The following FANCB variants were observed in gnomAD, a reference collection of about 807,000 sequenced individuals.
FANCB encodes Fanconi anemia group B protein.
In FANCB, 5 loss-of-function variants were observed where a neutral mutation model predicts 38.9. The ratio of observed to expected loss-of-function variants is 0.13; its 90% CI spans 0.07 to 0.27. The LOEUF (loss-of-function observed/expected upper bound fraction) is 0.27, where lower values mean the gene tolerates loss of function less well. FANCB is among the 10% of genes least tolerant of loss of function. The probability of loss-of-function intolerance (pLI) is 1.00; values close to 1 mark genes in which losing one functional copy is unlikely to be tolerated. For missense variants in FANCB, 573 were observed against 602.7 expected, an observed-to-expected ratio of 0.95 and a Z score of 0.52; for synonymous variants, 236 against 215.4, an observed-to-expected ratio of 1.10 and a Z score of -0.84.
intron 3 of FANCB, among the ~76,000 whole-genome samples, chrX:14,860,766 T>G (rs1161876560): frequency 8.9e-6 from 1 of 112,269 alleles, no homozygotes; most frequent in Non-Finnish European, 1.9e-5. Flanking sequence ...AATAACTACA[T>G]CTGGATAGTA....
the FANCB span, among the ~76,000 whole-genome samples, chrX:14,830,876 C>A: frequency 3.9e-4 from 44 of 112,418 alleles, no homozygotes; most frequent in African/African-American, 1.4e-3. Flanking sequence ...TCCATGAAAC[C>A]AAATGTATTC....
the FANCB span, among the ~76,000 whole-genome samples, chrX:14,708,782 C>T: frequency 9.0e-6 from 1 of 111,173 alleles, no homozygotes; most frequent in Middle Eastern, 4.7e-3. Flanking sequence ...ACTAAAAATA[C>T]AAAATTAGCC....
At chrX:14,860,718 A>G (rs2092443175) in intron 3 of FANCB, among the ~76,000 whole-genome samples, 1 of 112,215 alleles carries the variant, frequency 8.9e-6, no homozygotes, top group Non-Finnish European at 1.9e-5. Flanking sequence ...GACATTTACA[A>G]CATGTTTTAA....
chrX:14,722,382 G>A, the FANCB span, among the ~76,000 whole-genome samples: 1 of 111,154 alleles, frequency 9.0e-6, no homozygotes, highest in Non-Finnish European at 1.9e-5. Context: ...CAGTCAGACA[G>A]TTGACATGGT....
chrX:14,824,460 C>T, the FANCB span, among the ~76,000 whole-genome samples: 9,359 of 111,683 alleles, frequency 0.084, 868 homozygotes, highest in African/African-American at 0.27. Context: ...ATTCCACAAC[C>T]TATTTATTCT....
At chrX:14,870,235 A>G (rs2092489049) in intron 1 of FANCB, among the ~76,000 whole-genome samples, 1 of 111,957 alleles carries the variant, frequency 8.9e-6, no homozygotes, top group Admixed American at 9.5e-5. Context: ...GGCATTTAAA[A>G]AAAATAGAAA....
intron 5 of FANCB, among the ~76,000 whole-genome samples, chrX:14,854,975 T>C (rs2092417601): frequency 8.9e-6 from 1 of 112,198 alleles, no homozygotes. Context: ...TCACTCTGCA[T>C]GTATCAGGCT....
At chrX:14,758,607 A>G in the FANCB span, among the ~76,000 whole-genome samples, 5 of 111,712 alleles carry the variant, frequency 4.5e-5, no homozygotes, top group Non-Finnish European at 9.4e-5. Context: ...GGGCAGCTAG[A>G]TCCAAAAGAG....
At chrX:14,765,064 T>C in the FANCB span, among the ~76,000 whole-genome samples, 42 of 112,284 alleles carry the variant, frequency 3.7e-4, no homozygotes, top group Non-Finnish European at 7.5e-4. Context: ...GACATACTTA[T>C]ATTACAAAAT....
chrX:14,843,153 A>T (rs1044035081), downstream of FANCB, among the ~76,000 whole-genome samples: 1 of 111,869 alleles, frequency 8.9e-6, no homozygotes. Context: ...TCACTTAAGT[A>T]ACTCTAAGAC....
At chrX:14,852,255 G>A (rs1262382669) in intron 6 of FANCB, among the ~76,000 whole-genome samples, 10 of 106,096 alleles carry the variant, frequency 9.4e-5, no homozygotes, top group African/African-American at 2.8e-4. Context: ...TGCAACCTCC[G>A]CCTCCCAGGT....
the FANCB span, among the ~76,000 whole-genome samples, chrX:14,715,408 T>C: frequency 1.8e-5 from 2 of 112,329 alleles, no homozygotes; most frequent in East Asian, 5.5e-4. Flanking sequence ...ACTTTATACA[T>C]ATATGCATTC....
chrX:14,716,554 G>A, the FANCB span, among the ~76,000 whole-genome samples: 1 of 111,415 alleles, frequency 9.0e-6, no homozygotes, highest in Non-Finnish European at 1.9e-5. Context: ...CTTCCCCCAG[G>A]GAGCACGACT....
In FANCB at chrX:14,843,928, A is replaced by G. The variant is rs1238527264; in HGVS notation, c.2219T>C (p.Ile740Thr). The G allele has an allele frequency of 5.0e-6, 6 of 1,199,414 alleles. No homozygotes were observed. The highest frequency in any genetic ancestry group is 6.8e-6 in the Non-Finnish European group (6 of 886,946). The change falls in exon 10 of 10, where the codon ATA becomes ACA. Residue 740 changes from isoleucine (I) to threonine (T), a missense_variant. By Grantham distance (89) the Ile-to-Thr change is moderately conservative (BLOSUM62 -1). Transcript: ENST00000650831. The part of the protein sequence containing the change: ...CLHNLIRILP[I>T]NCFLKNLKSG... ...TTTTAGATTTTTGAGGAAACAGTTT[A>G]TAGGGAGAATTCTGATGAGATTATG...
chrX:14,835,530 A>G (rs958365436), downstream of FANCB, among the ~76,000 whole-genome samples: 2 of 112,077 alleles, frequency 1.8e-5, no homozygotes, highest in Admixed American at 9.4e-5. Context: ...ACAGATTACC[A>G]TGCCCAACTC....
the FANCB span, among the ~76,000 whole-genome samples, chrX:14,771,138 TTAGTGGGGTTCTCTG>T: frequency 9.0e-6 from 1 of 111,366 alleles, no homozygotes; most frequent in South Asian, 3.8e-4. Context: ...ATGGAGTATC[TTAGTGGGGTTCTCTG>T]CATTTCCTGA....
At chrX:14,762,424 A>G in the FANCB span, among the ~76,000 whole-genome samples, 1 of 111,270 alleles carries the variant, frequency 9.0e-6, no homozygotes, top group Non-Finnish European at 1.9e-5. Context: ...TGAGATTACA[A>G]GCATAAGCCA....
At chrX:14,787,876 AATATATATATATATATATAT>A in the FANCB span, among the ~76,000 whole-genome samples, 10,417 of 41,696 alleles carry the variant, frequency 0.25, 819 homozygotes, top group Middle Eastern at 0.31. Flanking sequence ...TTAAAAATAG[AATATATATATATATATATAT>A]ATATATATAT....
chrX:14,809,372 C>T, the FANCB span, among the ~76,000 whole-genome samples: 2 of 112,292 alleles, frequency 1.8e-5, no homozygotes, highest in Non-Finnish European at 3.8e-5. Context: ...TGAAGCAGGG[C>T]GAGGCATTGC....
Sources: gnomAD v4.1 joint callset for allele counts (sites outside exome capture counted in the v4.1 genomes callset) on GRCh38, gnomAD v4.1.1 for gene constraint, MANE v1.5 for transcripts, NCBI Gene and HGNC (gene_info 2026-07-23, HGNC 2026-07-21) for gene names.